RAB3C: variants seen among roughly 807,000 people sequenced by gnomAD.
RAB3C encodes ras-related protein Rab-3C.
Under a neutral mutation model 26.4 loss-of-function variants are expected in RAB3C, and 17 were observed. That is an observed-to-expected ratio of 0.64 (90% CI 0.44 to 0.97). The LOEUF (loss-of-function observed/expected upper bound fraction) is 0.97, where lower values mean the gene tolerates loss of function less well. Ranked by LOEUF, RAB3C falls within the 50% of genes least tolerant of loss-of-function variation. RAB3C has a pLI of 0.00. For synonymous variants in RAB3C, 91 were observed against 95.9 expected (o/e 0.95, Z 0.30); for missense variants, 242 against 281.9 (o/e 0.86, Z 1.01).
At chr5:58,674,192 A>C (rs1025938444) in intron 2 of RAB3C, among the ~76,000 whole-genome samples, 1 of 152,144 alleles carries the variant, frequency 6.6e-6, no homozygotes, top group African/African-American at 2.4e-5. Flanking sequence ...CATGTGTGTG[A>C]TGTTTATTAT....
At chr5:58,784,724 C>T (rs746713897) in intron 3 of RAB3C, 1 of 152,104 alleles carries the variant, frequency 6.6e-6, no homozygotes, top group African/African-American at 2.4e-5. Flanking sequence ...AATCATCTAC[C>T]TTTGCTCTTC....
chr5:58,724,061 T>A (rs1740829816), intron 2 of RAB3C, among the ~76,000 whole-genome samples: 1 of 151,834 alleles, frequency 6.6e-6, no homozygotes, highest in Admixed American at 6.6e-5. Context: ...TGTATCTGCC[T>A]CTGATTCCCA....
At chr5:58,729,351 C>T (rs1400786566) in intron 3 of RAB3C, among the ~76,000 whole-genome samples, 3 of 151,838 alleles carry the variant, frequency 2.0e-5, no homozygotes, top group Non-Finnish European at 4.4e-5. Context: ...CACCACCATC[C>T]AGCTCCAGAA....
At chr5:58,593,388 T>TAAG (rs1746179209) in intron 1 of RAB3C, among the ~76,000 whole-genome samples, 1 of 152,172 alleles carries the variant, frequency 6.6e-6, no homozygotes, top group African/African-American at 2.4e-5. Context: ...AGTAATTAAC[T>TAAG]GAGCTTCTTA....
At chr5:58,723,881 G>A (rs1032564255) in intron 2 of RAB3C, among the ~76,000 whole-genome samples, 3 of 151,768 alleles carry the variant, frequency 2.0e-5, no homozygotes, top group African/African-American at 7.3e-5. Flanking sequence ...AAGAGTACTA[G>A]GAAAGAGAAG....
chr5:58,733,346 G>C (rs1316195060), intron 3 of RAB3C, among the ~76,000 whole-genome samples: 1 of 152,142 alleles, frequency 6.6e-6, no homozygotes, highest in Non-Finnish European at 1.5e-5. Context: ...AAAATCACAG[G>C]GATGTTAGAT....
chr5:58,754,490 A>T (rs956701301), intron 3 of RAB3C, among the ~76,000 whole-genome samples: 5 of 152,134 alleles, frequency 3.3e-5, no homozygotes, highest in Admixed American at 3.3e-4. Context: ...GTGAATATGG[A>T]TACAGCCCAG....
intron 3 of RAB3C, among the ~76,000 whole-genome samples, chr5:58,786,639 T>A (rs1026248018): frequency 1.3e-5 from 2 of 152,014 alleles, no homozygotes; most frequent in Non-Finnish European, 2.9e-5. Flanking sequence ...TTCAGGAAAA[T>A]GTGCAGGTTA....
At chr5:58,777,475 A>T (rs996720504) in intron 3 of RAB3C, among the ~76,000 whole-genome samples, 6 of 152,070 alleles carry the variant, frequency 3.9e-5, no homozygotes, top group Non-Finnish European at 7.4e-5. Flanking sequence ...CAAATCCCTT[A>T]GGATTAATGT....
chr5:58,635,684 C>A (rs1013383743), intron 2 of RAB3C, among the ~76,000 whole-genome samples: 3 of 152,132 alleles, frequency 2.0e-5, no homozygotes, highest in Admixed American at 6.5e-5. Flanking sequence ...TGCTCTAGAG[C>A]ATACTTTACC....
At chr5:58,823,723 T>C in intron 3 of RAB3C, 1 of 186,684 alleles carries the variant, frequency 5.4e-6, no homozygotes, top group Non-Finnish European at 1.2e-5. Context: ...AAAACAATGT[T>C]CTAGGATGAT....
intron 2 of RAB3C, among the ~76,000 whole-genome samples, chr5:58,686,360 A>T (rs529554446): frequency 6.6e-6 from 1 of 152,158 alleles, no homozygotes; most frequent in East Asian, 1.9e-4. Context: ...ATTATTTCGT[A>T]TTCTTCAGTT....
chr5:58,632,038 C>G (rs942291463), intron 2 of RAB3C, among the ~76,000 whole-genome samples: 7 of 152,182 alleles, frequency 4.6e-5, no homozygotes, highest in African/African-American at 1.7e-4. Flanking sequence ...TGGTGAAAAT[C>G]CAGATCTGCT....
At chr5:58,777,865 A>G (rs1457484707) in intron 3 of RAB3C, among the ~76,000 whole-genome samples, 1 of 151,296 alleles carries the variant, frequency 6.6e-6, no homozygotes, top group Non-Finnish European at 1.5e-5. Flanking sequence ...TGTCCTTGCG[A>G]TAGTTTTCTG....
In RAB3C at chr5:58,786,148, G is replaced by A. The variant is rs566826017; in HGVS notation, c.372-38890G>A. On this transcript the variant is annotated intron_variant, in intron 3 of 4. Coordinates refer to ENST00000282878, the MANE Select transcript of RAB3C (RefSeq NM_138453.4). ...ATTGTTATTTGGAACAGCAGCAATA[G>A]GAAAGTAATACAAGTATGATATTAA... 2.6e-5 allele frequency among the ~76,000 whole-genome samples: 4 copies of A among 152,336 alleles called. No homozygotes were observed. In the South Asian group the frequency reaches 6.2e-4, roughly 24 times the overall value.
intron 4 of RAB3C, among the ~76,000 whole-genome samples, chr5:58,830,447 T>C (rs995583643): frequency 1.3e-5 from 2 of 152,196 alleles, no homozygotes; most frequent in African/African-American, 4.8e-5. Flanking sequence ...TTGACCATGC[T>C]ACATCATATG....
intron 1 of RAB3C, among the ~76,000 whole-genome samples, chr5:58,597,120 C>T (rs1156403898): frequency 3.5e-4 from 14 of 40,454 alleles, no homozygotes; most frequent in South Asian, 6.0e-4. Context: ...ATATATAATA[C>T]ATAATATATA....
chr5:58,611,322 G>A (rs1746696412), intron 1 of RAB3C, among the ~76,000 whole-genome samples: 1 of 147,414 alleles, frequency 6.8e-6, no homozygotes, highest in South Asian at 2.1e-4. Context: ...TTCCACAATG[G>A]TTGAACTAAT....
intron 2 of RAB3C, among the ~76,000 whole-genome samples, chr5:58,620,260 A>T (rs771842841): frequency 2.6e-5 from 4 of 152,184 alleles, no homozygotes; most frequent in Non-Finnish European, 5.9e-5. Flanking sequence ...CATTGCAATT[A>T]AAACATAATC....
Sources: allele counts gnomAD v4.1 joint callset (sites outside exome capture counted in the v4.1 genomes callset), GRCh38; gene constraint gnomAD v4.1.1; transcripts MANE v1.5; gene names NCBI Gene and HGNC (gene_info 2026-07-23, HGNC 2026-07-21).